DLG2: variants seen among roughly 807,000 people sequenced by gnomAD.
DLG2 encodes the protein disks large homolog 2.
Under a neutral mutation model 132.5 loss-of-function variants are expected in DLG2, and 45 were observed. The observed-to-expected ratio is 0.34, with a 90% CI of 0.27 to 0.44. The LOEUF (loss-of-function observed/expected upper bound fraction) is 0.44. DLG2 is among the 20% of genes least tolerant of loss of function. The pLI is 1.00. For missense variants in DLG2, 1,045 were observed against 1,196.9 expected (o/e 0.87, Z 1.87); for synonymous variants, 424 against 419.6 (o/e 1.01, Z -0.13).
At chr11:85,620,971 C>T (rs1285828481) in intron 2 of DLG2, among the ~76,000 whole-genome samples, 1 of 152,188 alleles carries the variant, frequency 6.6e-6, no homozygotes, top group African/African-American at 2.4e-5. Flanking sequence ...AAATCAATGC[C>T]TCATTTCAAA....
intron 6 of DLG2, among the ~76,000 whole-genome samples, chr11:84,642,006 TTATA>T (rs199734251): frequency 1.4e-5 from 2 of 141,482 alleles, no homozygotes; most frequent in Non-Finnish European, 3.0e-5. Context: ...TGGATATGTT[TTATA>T]TATATATATA....
chr11:83,467,810 T>TATATATATATATATATATATACAC (rs1414160515), intron 25 of DLG2, among the ~76,000 whole-genome samples: 14 of 96,296 alleles, frequency 1.5e-4, no homozygotes, highest in South Asian at 3.8e-4. Context: ...TATATATATA[T>TATATATATATATATATATATACAC]ACACACACAC....
chr11:83,757,025 G>A (rs556545228), intron 18 of DLG2, among the ~76,000 whole-genome samples: 2 of 152,266 alleles, frequency 1.3e-5, no homozygotes, highest in Admixed American at 6.5e-5. Flanking sequence ...GTGTGCCTAT[G>A]AGGATAATAG....
chr11:85,143,393 C>T (rs1410541328), intron 5 of DLG2, among the ~76,000 whole-genome samples: 9 of 151,682 alleles, frequency 5.9e-5, no homozygotes, highest in South Asian at 2.1e-4. Context: ...TGTAATGTCA[C>T]GTTTTTCATC....
At chr11:85,467,216 C>T (rs967620347) in intron 3 of DLG2, among the ~76,000 whole-genome samples, 18 of 152,120 alleles carry the variant, frequency 1.2e-4, no homozygotes, top group Non-Finnish European at 2.1e-4. Flanking sequence ...TGGGCTGAGA[C>T]GATGGGGTTT....
chr11:84,565,993 C>G (rs2099453357), intron 6 of DLG2, among the ~76,000 whole-genome samples: 1 of 144,906 alleles, frequency 6.9e-6, no homozygotes, highest in South Asian at 2.2e-4. Context: ...GAGTCTTGCT[C>G]TGTTGCCCAG....
chr11:85,152,197 A>G (rs1594873610), intron 5 of DLG2, among the ~76,000 whole-genome samples: 1 of 152,044 alleles, frequency 6.6e-6, no homozygotes, highest in East Asian at 1.9e-4. Context: ...ATCAAAATAT[A>G]CTAAATGTAT....
At chr11:85,525,654 G>T (rs996207878) in intron 3 of DLG2, among the ~76,000 whole-genome samples, 1 of 152,130 alleles carries the variant, frequency 6.6e-6, no homozygotes, top group Non-Finnish European at 1.5e-5. Context: ...AATTTTCAAG[G>T]CATTGGAAAA....
chr11:84,404,045 C>T (rs1200807820), intron 7 of DLG2, among the ~76,000 whole-genome samples: 1 of 152,130 alleles, frequency 6.6e-6, no homozygotes, highest in Non-Finnish European at 1.5e-5. Flanking sequence ...ATACTCCAAT[C>T]CAGTCTCCAA....
intron 7 of DLG2, among the ~76,000 whole-genome samples, chr11:84,389,641 CT>C (rs1382873086): frequency 3.6e-4 from 54 of 152,052 alleles, no homozygotes; most frequent in African/African-American, 1.2e-3. Context: ...TGGATTTATC[CT>C]CCAGAATAAT....
chr11:85,557,080 C>G (rs2076980765), intron 3 of DLG2, among the ~76,000 whole-genome samples: 1 of 151,742 alleles, frequency 6.6e-6, no homozygotes, highest in African/African-American at 2.4e-5. Context: ...AACTGATAAA[C>G]AACTTCATGA....
chr11:84,836,449 T>C (rs969119903), intron 6 of DLG2, among the ~76,000 whole-genome samples: 4 of 151,768 alleles, frequency 2.6e-5, no homozygotes, highest in Admixed American at 2.0e-4. Flanking sequence ...ATTGATAAAG[T>C]CATCCAAGGA....
intron 6 of DLG2, among the ~76,000 whole-genome samples, chr11:84,606,725 G>T (rs1379605966): frequency 6.6e-6 from 1 of 151,984 alleles, no homozygotes; most frequent in Non-Finnish European, 1.5e-5. Context: ...GGAGTGGGAA[G>T]GAAAAGGAAA....
chr11:84,831,702 C>A (rs1478636758), intron 6 of DLG2, among the ~76,000 whole-genome samples: 1 of 151,658 alleles, frequency 6.6e-6, no homozygotes. Context: ...TTCTGGCTGC[C>A]TTTACCACCT....
intron 6 of DLG2, among the ~76,000 whole-genome samples, chr11:84,718,258 C>T (rs1300862019): frequency 6.6e-6 from 1 of 151,992 alleles, no homozygotes; most frequent in Non-Finnish European, 1.5e-5. Context: ...ATTTTATTTT[C>T]ACATAACATT....
At chr11:85,497,848 G>A (rs1183966911) in intron 3 of DLG2, among the ~76,000 whole-genome samples, 1 of 152,192 alleles carries the variant, frequency 6.6e-6, no homozygotes, top group Non-Finnish European at 1.5e-5. Context: ...AAGTGAAGGG[G>A]AAATAAAATC....
intron 6 of DLG2, among the ~76,000 whole-genome samples, chr11:85,062,491 A>G (rs550046763): frequency 3.4e-4 from 52 of 151,648 alleles, no homozygotes; most frequent in Non-Finnish European, 4.0e-4. Context: ...AAATGCAAAC[A>G]TTGTGTTAAA....
At chr11:84,035,837 G>T (rs1307821231) in intron 11 of DLG2, among the ~76,000 whole-genome samples, 1 of 152,168 alleles carries the variant, frequency 6.6e-6, no homozygotes, top group Non-Finnish European at 1.5e-5. Context: ...AGCAGAGTTG[G>T]TGAGGATAGA....
chr11:83,942,101 A>G (rs1236397056), intron 14 of DLG2, among the ~76,000 whole-genome samples: 1 of 152,188 alleles, frequency 6.6e-6, no homozygotes, highest in Non-Finnish European at 1.5e-5. Context: ...GAAGCAAACC[A>G]CTGGAAAAAA....
Sources: gnomAD v4.1 joint callset for allele counts (sites outside exome capture counted in the v4.1 genomes callset) on GRCh38, gnomAD v4.1.1 for gene constraint, MANE v1.5 for transcripts, NCBI Gene and HGNC (gene_info 2026-07-23, HGNC 2026-07-21) for gene names.